The following DOCK7 variants were observed in gnomAD, a reference collection of about 807,000 sequenced individuals.
The protein encoded by DOCK7 is dedicator of cytokinesis protein 7.
A neutral mutation model predicts 271.0 loss-of-function variants in DOCK7; 138 were observed. The observed-to-expected ratio is 0.51, with a 90% confidence interval of 0.44 to 0.59. The LOEUF is 0.59. Among genes scored for constraint, DOCK7 ranks in the 20% least tolerant of loss-of-function variants. The pLI is 0.00. For missense variants in DOCK7, 2,066 were observed against 2,592.4 expected (o/e 0.80, Z 4.41); for synonymous variants, 823 against 876.1 (o/e 0.94, Z 1.07).
At chr1:62,629,224 A>T (rs1379571939) in intron 11 of DOCK7, 1 of 152,226 alleles carries the variant, frequency 6.6e-6, no homozygotes, top group Non-Finnish European at 1.5e-5. Flanking sequence ...ATGACCCAGC[A>T]ATTTCACTCC....
At chr1:62,583,424 A>G (rs757906177) in intron 15 of DOCK7, among the ~76,000 whole-genome samples, 170 bp from the exon 16 acceptor site, 10 of 152,216 alleles carry the variant, frequency 6.6e-5, no homozygotes, top group African/African-American at 9.6e-5. Flanking sequence ...TTGCTTAACT[A>G]TAAGTTTCTT....
At chr1:62,683,923 T>A (rs1374039473) in intron 1 of DOCK7, among the ~76,000 whole-genome samples, 1 of 149,202 alleles carries the variant, frequency 6.7e-6, no homozygotes. Context: ...CGAGACCCTA[T>A]CTCAAGAAAA....
At chr1:62,596,818 C>A (rs1283826288) in intron 14 of DOCK7, among the ~76,000 whole-genome samples, 1 of 152,000 alleles carries the variant, frequency 6.6e-6, no homozygotes, top group Non-Finnish European at 1.5e-5. Flanking sequence ...GTTCCTTCAA[C>A]GAGCACATGG....
intron 48 of DOCK7, among the ~76,000 whole-genome samples, chr1:62,460,667 T>G (rs1484437517): frequency 6.6e-6 from 1 of 151,892 alleles, no homozygotes; most frequent in Non-Finnish European, 1.5e-5. Context: ...TTTTTTTCTT[T>G]TTTTTTTGAG....
chr1:62,505,645 CAA>C, intron 36 of DOCK7, 35 bp downstream of exon 36: 2 of 1,567,600 alleles, frequency 1.3e-6, no homozygotes, highest in Non-Finnish European at 1.7e-6. Flanking sequence ...ATAAAAAAAA[CAA>C]AGTCTGACAA....
intron 25 of DOCK7, among the ~76,000 whole-genome samples, chr1:62,541,904 T>C (rs1645546457): frequency 2.0e-5 from 3 of 152,212 alleles, no homozygotes; most frequent in African/African-American, 7.2e-5. Context: ...AGACAGGATC[T>C]TGCTCTGTTA....
At chr1:62,476,291 G>C in intron 44 of DOCK7, 135 bp from the exon 45 acceptor site, 1 of 578,770 alleles carries the variant, frequency 1.7e-6, no homozygotes. Context: ...TAAAAGTAAT[G>C]ATTTAGGCTT....
At chr1:62,651,621 T>C (rs1275367552) in intron 4 of DOCK7, among the ~76,000 whole-genome samples, 1 of 152,112 alleles carries the variant, frequency 6.6e-6, no homozygotes, top group East Asian at 2.0e-4. Context: ...TGTAATACTT[T>C]TTTCACTAAT....
chr1:62,544,700 C>A (rs760242343), intron 23 of DOCK7, among the ~76,000 whole-genome samples: 4 of 151,908 alleles, frequency 2.6e-5, no homozygotes, highest in Admixed American at 1.3e-4. Flanking sequence ...AAGCAGCAGG[C>A]ACTGAAATAT....
intron 14 of DOCK7, among the ~76,000 whole-genome samples, chr1:62,587,395 T>C (rs1251835340): frequency 6.6e-6 from 1 of 151,518 alleles, no homozygotes; most frequent in Non-Finnish European, 1.5e-5. Context: ...TAATAGAACC[T>C]TGCTAATCAA....
intron 22 of DOCK7, among the ~76,000 whole-genome samples, chr1:62,547,554 GTCC>G (rs1209311435): frequency 1.3e-5 from 2 of 152,064 alleles, no homozygotes; most frequent in Admixed American, 6.6e-5. Flanking sequence ...ATATCCACAA[GTCC>G]TCAGCATAGT....
At chr1:62,680,558 A>G (rs2149772331) in intron 1 of DOCK7, among the ~76,000 whole-genome samples, 1 of 152,008 alleles carries the variant, frequency 6.6e-6, no homozygotes, top group East Asian at 1.9e-4. Flanking sequence ...TAAACTAAAG[A>G]GCTTCTGCAC....
At chr1:62,479,953 G>C (rs895373876) in intron 43 of DOCK7, among the ~76,000 whole-genome samples, 1 of 152,168 alleles carries the variant, frequency 6.6e-6, no homozygotes, top group Non-Finnish European at 1.5e-5. Context: ...CCAAAGTGCT[G>C]AGATTACAGG....
chr1:62,548,115 A>G (rs11207985), intron 22 of DOCK7, among the ~76,000 whole-genome samples: 88,358 of 151,562 alleles, frequency 0.58, 27,435 homozygotes, highest in East Asian at 0.76. Context: ...TCCCTGCCAC[A>G]ATGAAGCTTA....
rs1662084093 is a variant in DOCK7, at chr1:62,688,275, GCGACGGCGA to G, written c.-20_-12del. ...GCGGCGCTCGGCCATGGCTGCTGCG[GCGACGGCGA>G]CGGCGGCGGCGGCTGCGGCGGGCCG... On this transcript the variant is annotated 5_prime_UTR_variant, in exon 1 of 50. Coordinates refer to ENST00000635253, the MANE Select transcript of DOCK7 (RefSeq NM_001367561.1). The G allele has an allele frequency of 1.6e-6, 2 of 1,289,838 alleles. No homozygotes were observed. Among genetic ancestry groups the G allele is most frequent in the East Asian group, 6.9e-5 (2 of 28,880 alleles). 79.9% of individuals were successfully genotyped at this position (1,289,838 alleles called of 1,614,324 possible). A position where few individuals can be genotyped will look rare whatever the true frequency, so the allele number is the denominator to read the frequency against.
chr1:62,465,585 T>C (rs1357800802), intron 48 of DOCK7, among the ~76,000 whole-genome samples: 1 of 152,174 alleles, frequency 6.6e-6, no homozygotes, highest in Non-Finnish European at 1.5e-5. Context: ...GGAGTCTTGC[T>C]CTGTTACCCA....
chr1:62,489,823 T>A (rs1467093829), intron 41 of DOCK7, among the ~76,000 whole-genome samples: 1 of 152,180 alleles, frequency 6.6e-6, no homozygotes, highest in Non-Finnish European at 1.5e-5. Flanking sequence ...AATTCTCCTA[T>A]AATAGCATCC....
intron 13 of DOCK7, among the ~76,000 whole-genome samples, 196 bp from the exon 14 acceptor site, chr1:62,619,064 A>G (rs1190225816): frequency 6.6e-6 from 1 of 152,158 alleles, no homozygotes; most frequent in Non-Finnish European, 1.5e-5. Context: ...TTACCGATCC[A>G]GACATAAATG....
intron 14 of DOCK7, chr1:62,605,092 G>A: frequency 6.9e-6 from 2 of 288,232 alleles, no homozygotes; most frequent in South Asian, 5.8e-5. Context: ...ATAATCAATA[G>A]GTGAACTTAT....
Sources: allele counts gnomAD v4.1 joint callset (sites outside exome capture counted in the v4.1 genomes callset), GRCh38; gene constraint gnomAD v4.1.1; transcripts MANE v1.5; gene names NCBI Gene and HGNC (gene_info 2026-07-23, HGNC 2026-07-21).